Variants in RBFOX1 observed in about 807,000 individuals in gnomAD.
RBFOX1 encodes the protein RNA binding fox-1 homolog 1.
In RBFOX1, 8 loss-of-function variants were observed where a neutral mutation model predicts 57.7. The ratio of observed to expected loss-of-function variants is 0.14; its 90% CI spans 0.08 to 0.25. The LOEUF (loss-of-function observed/expected upper bound fraction) is 0.25, where lower values mean the gene tolerates loss of function less well. Among genes scored for constraint, RBFOX1 ranks in the 10% least tolerant of loss-of-function variants. The pLI is 1.00. For missense variants in RBFOX1, 611 were observed against 548.5 expected (o/e 1.11, Z -1.14); for synonymous variants, 326 against 222.4 (o/e 1.47, Z -4.15).
Position 5,946,854 on chromosome 16 carries a change from G to A in RBFOX1, c.351+79519G>A, listed in dbSNP as rs2059409852. Among the ~76,000 whole-genome samples the A allele has an allele frequency of 6.6e-6, 1 of 152,134 alleles. No individual in the cohort carries two copies. Among genetic ancestry groups the A allele is most frequent in the African/African-American group, 2.4e-5 (1 of 41,430 alleles). The stretch of plus-strand genomic sequence containing the variant: ...AGAGATTTGGAGCATTGCTTGGTGT[G>A]AAATAAAACCCAACACATATGAGTG... On this transcript the variant is annotated intron_variant, in intron 4 of 19. Coordinates refer to the RBFOX1 transcript ENST00000641259. This position sits in a 1 kb window ranked among gnomAD's most constrained non-coding sequence, Gnocchi z 4.6.
intron 1 of RBFOX1, among the ~76,000 whole-genome samples, chr16:6,196,304 A>G (rs1401075707): frequency 6.6e-6 from 1 of 152,222 alleles, no homozygotes; most frequent in Non-Finnish European, 1.5e-5. Flanking sequence ...AGGTCTCTGC[A>G]TCTGTCAAGT....
At chr16:5,311,595 G>C (rs1186816836) in intron 1 of RBFOX1, among the ~76,000 whole-genome samples, 1 of 152,088 alleles carries the variant, frequency 6.6e-6, no homozygotes, top group African/African-American at 2.4e-5. Flanking sequence ...AATCATTCTT[G>C]CTGGAGTAAG....
chr16:6,603,811 T>A (rs1301849115), intron 2 of RBFOX1, among the ~76,000 whole-genome samples: 1 of 152,290 alleles, frequency 6.6e-6, no homozygotes, highest in East Asian at 1.9e-4. Flanking sequence ...CTCGTCCTGC[T>A]GTTTGGGTAC....
intron 2 of RBFOX1, among the ~76,000 whole-genome samples, chr16:5,521,659 G>GT (rs74588205): frequency 0.2 from 30,538 of 151,998 alleles, 4,092 homozygotes; most frequent in African/African-American, 0.38. Context: ...TTGCCTCTAG[G>GT]TTTGTAAGCA....
chr16:6,080,404 A>G (rs558857971), intron 1 of RBFOX1, among the ~76,000 whole-genome samples: 37 of 152,292 alleles, frequency 2.4e-4, no homozygotes, highest in Middle Eastern at 3.4e-3. Flanking sequence ...TACTGGGACC[A>G]CTTGGTAGAT....
intron 1 of RBFOX1, among the ~76,000 whole-genome samples, chr16:6,198,171 A>G (rs1274615288): frequency 6.6e-6 from 1 of 152,220 alleles, no homozygotes; most frequent in Non-Finnish European, 1.5e-5. Context: ...TTTGGCAGCC[A>G]CTTATAAGTG....
intron 4 of RBFOX1, among the ~76,000 whole-genome samples, chr16:7,216,123 C>T (rs184441436): frequency 2.0e-5 from 3 of 152,130 alleles, no homozygotes; most frequent in East Asian, 1.9e-4. Context: ...GTTATAGATG[C>T]GTTGCCAGAC....
intron 13 of RBFOX1, among the ~76,000 whole-genome samples, chr16:7,667,248 C>T (rs939066807): frequency 1.3e-5 from 2 of 152,090 alleles, no homozygotes; most frequent in East Asian, 1.9e-4. Flanking sequence ...GGTGTGCATC[C>T]GTGTGTATAC....
chr16:7,140,360 T>C (rs1488806457), intron 4 of RBFOX1, among the ~76,000 whole-genome samples: 1 of 150,618 alleles, frequency 6.6e-6, no homozygotes, highest in Non-Finnish European at 1.5e-5. Flanking sequence ...ACTCTGAGTC[T>C]GTATGATAGG....
chr16:6,808,126 G>T (rs1045651994), intron 3 of RBFOX1, among the ~76,000 whole-genome samples: 1 of 140,936 alleles, frequency 7.1e-6, no homozygotes, highest in Non-Finnish European at 1.5e-5. Context: ...AATATGCATA[G>T]AACTATATAT....
chr16:7,522,849 T>G (rs886939942), intron 5 of RBFOX1, among the ~76,000 whole-genome samples: 1 of 152,200 alleles, frequency 6.6e-6, no homozygotes, highest in African/African-American at 2.4e-5. Flanking sequence ...TTTGTTGACA[T>G]ACAATAAACT....
intron 2 of RBFOX1, among the ~76,000 whole-genome samples, chr16:6,401,895 A>C (rs2093084467): frequency 6.6e-6 from 1 of 151,986 alleles, no homozygotes; most frequent in Non-Finnish European, 1.5e-5. Flanking sequence ...TAATTAGAGA[A>C]GAGAAATTGC....
At chr16:7,429,410 C>G (rs2098656679) in intron 4 of RBFOX1, among the ~76,000 whole-genome samples, 1 of 152,226 alleles carries the variant, frequency 6.6e-6, no homozygotes, top group Non-Finnish European at 1.5e-5. Context: ...CCCTGGCTAG[C>G]CCATCAAAAG....
At chr16:6,804,943 C>T (rs550575092) in intron 3 of RBFOX1, among the ~76,000 whole-genome samples, 15 of 152,220 alleles carry the variant, frequency 9.9e-5, no homozygotes, top group African/African-American at 1.4e-4. Flanking sequence ...TGCTGTTGGT[C>T]GGAGTGTAAA....
intron 3 of RBFOX1, among the ~76,000 whole-genome samples, chr16:5,742,198 C>G (rs1281644654): frequency 2.0e-5 from 3 of 151,310 alleles, no homozygotes; most frequent in African/African-American, 7.3e-5. Context: ...CTTCCTTCCT[C>G]CAGTCCTTCC....
At chr16:6,930,659 C>T (rs1235969333) in intron 3 of RBFOX1, among the ~76,000 whole-genome samples, 2 of 152,198 alleles carry the variant, frequency 1.3e-5, no homozygotes, top group South Asian at 2.1e-4. Flanking sequence ...ATCCGCCTGC[C>T]TTGGCCTCCC....
intron 3 of RBFOX1, among the ~76,000 whole-genome samples, chr16:6,943,534 C>A (rs7191008): frequency 2.6e-5 from 4 of 151,916 alleles, no homozygotes; most frequent in African/African-American, 9.7e-5. Context: ...TGGTGAAACC[C>A]CATCTCTACT....
At chr16:7,286,545 T>C (rs372763004) in intron 4 of RBFOX1, among the ~76,000 whole-genome samples, 1 of 149,342 alleles carries the variant, frequency 6.7e-6, no homozygotes, top group African/African-American at 2.5e-5. Flanking sequence ...CCCTGCCAGG[T>C]TCAAGCAACT....
At position 6,019,249 on chromosome 16, in the gene RBFOX1, C is replaced by G; in HGVS notation, c.-870C>G. The G allele has an allele frequency of 1.0e-6, 1 of 985,358 alleles. No homozygotes were observed. Among genetic ancestry groups the G allele is most frequent in the Non-Finnish European group, 1.2e-6 (1 of 830,042 alleles). 61.0% of individuals were successfully genotyped at this position (985,358 alleles called of 1,614,324 possible). On this transcript the variant is annotated 5_prime_UTR_variant, in exon 1 of 16. Coordinates refer to ENST00000550418, the MANE Select transcript of RBFOX1 (RefSeq NM_018723.4). The surrounding 1 kb of genome is among the most constrained non-coding windows in gnomAD (Gnocchi z 4.2). ...CGTCTGGGTGCACACACCGCTCCCT[C>G]GATCACCCCAGCCCCCTTCCTGGTC...
Sources: gnomAD v4.1 joint callset for allele counts (sites outside exome capture counted in the v4.1 genomes callset) on GRCh38, gnomAD v4.1.1 for gene constraint, Gnocchi (gnomAD v3.1) non-coding constraint, MANE v1.5 for transcripts, NCBI Gene and HGNC (gene_info 2026-07-23, HGNC 2026-07-21) for gene names.